The following SCFD2 variants were observed in gnomAD, a reference collection of about 807,000 sequenced individuals.
SCFD2 encodes the protein sec1 family domain-containing protein 2.
In SCFD2, 54 loss-of-function variants were observed where a neutral mutation model predicts 58.9. The ratio of observed to expected loss-of-function variants is 0.92; its 90% CI spans 0.74 to 1.15. The LOEUF (loss-of-function observed/expected upper bound fraction) is 1.15. Ranked by LOEUF, SCFD2 falls within the 50% of genes most tolerant of loss-of-function variation. The pLI is 0.00. For missense variants in SCFD2, 805 were observed against 836.6 expected (o/e 0.96, Z 0.47); for synonymous variants, 321 against 335.9 (o/e 0.96, Z 0.49).
intron 7 of SCFD2, among the ~76,000 whole-genome samples, chr4:52,899,217 T>C (rs923454842): frequency 2.0e-4 from 31 of 152,188 alleles, no homozygotes; most frequent in African/African-American, 7.2e-4. Flanking sequence ...TATTTTGCTC[T>C]TTAGTTGATG....
chr4:53,319,402 T>A (rs563349907), intron 2 of SCFD2, among the ~76,000 whole-genome samples: 1 of 152,344 alleles, frequency 6.6e-6, no homozygotes, highest in African/African-American at 2.4e-5. Context: ...TCATTCTACA[T>A]ATATATCATT....
At chr4:53,020,957 C>T (rs1387532584) in intron 5 of SCFD2, among the ~76,000 whole-genome samples, 1 of 152,272 alleles carries the variant, frequency 6.6e-6, no homozygotes, top group Non-Finnish European at 1.5e-5. Context: ...TTCCTTCTTC[C>T]AGAATTGCTC....
chr4:53,246,778 G>T (rs1477111904), intron 4 of SCFD2, among the ~76,000 whole-genome samples: 1 of 152,010 alleles, frequency 6.6e-6, no homozygotes. Context: ...CATTCTGGAC[G>T]TAGGAACTGG....
At chr4:53,098,448 G>T (rs764834904) in intron 5 of SCFD2, among the ~76,000 whole-genome samples, 16 of 152,270 alleles carry the variant, frequency 1.1e-4, no homozygotes, top group East Asian at 9.7e-4. Context: ...GTCTTGGAGG[G>T]TGTATGTGTC....
intron 5 of SCFD2, among the ~76,000 whole-genome samples, chr4:53,071,032 T>G (rs541732456): frequency 6.6e-6 from 1 of 152,224 alleles, no homozygotes; most frequent in East Asian, 1.9e-4. Flanking sequence ...CATATTCAAC[T>G]TCTAAAGAGT....
intron 5 of SCFD2, among the ~76,000 whole-genome samples, chr4:53,120,391 T>G (rs1725446529): frequency 6.6e-6 from 1 of 152,302 alleles, no homozygotes; most frequent in African/African-American, 2.4e-5. Flanking sequence ...ATGAGAAACT[T>G]AAGCCACAGC....
chr4:53,206,777 A>T (rs1385241167), intron 4 of SCFD2, among the ~76,000 whole-genome samples: 1 of 152,126 alleles, frequency 6.6e-6, no homozygotes, highest in East Asian at 1.9e-4. Context: ...AGTCATTTTT[A>T]CCATCCTACA....
At chr4:53,099,050 A>G (rs1021970852) in intron 5 of SCFD2, among the ~76,000 whole-genome samples, 1 of 152,200 alleles carries the variant, frequency 6.6e-6, no homozygotes, top group Non-Finnish European at 1.5e-5. Flanking sequence ...GTTCACTGGT[A>G]TATCTCAAAC....
chr4:53,148,371 T>A (rs2148915594), intron 4 of SCFD2, among the ~76,000 whole-genome samples: 1 of 152,322 alleles, frequency 6.6e-6, no homozygotes, highest in Admixed American at 6.5e-5. Context: ...TTTCTAAACT[T>A]ACATTCTAAA....
chr4:52,978,737 T>TA (rs1721307332), intron 5 of SCFD2, among the ~76,000 whole-genome samples: 1 of 151,436 alleles, frequency 6.6e-6, no homozygotes. Flanking sequence ...TGATCTTAGG[T>TA]AAAATGTATG....
intron 4 of SCFD2, among the ~76,000 whole-genome samples, chr4:53,238,265 C>T (rs1237466591): frequency 5.2e-5 from 6 of 115,898 alleles, no homozygotes; most frequent in Admixed American, 2.4e-4. Flanking sequence ...CAGGCAGAGG[C>T]GCCCCTCACC....
At chr4:53,046,228 T>G (rs1210308451) in intron 5 of SCFD2, among the ~76,000 whole-genome samples, 1 of 152,220 alleles carries the variant, frequency 6.6e-6, no homozygotes, top group Non-Finnish European at 1.5e-5. Context: ...AATTTTATTT[T>G]TATTTTTTTA....
chr4:53,261,198 TTTTG>T (rs1190123003), intron 4 of SCFD2, among the ~76,000 whole-genome samples: 1 of 152,116 alleles, frequency 6.6e-6, no homozygotes. Context: ...TCTTTTGTAT[TTTTG>T]TTTGTTTGCT....
chr4:52,890,288 GA>G (rs973787826), intron 7 of SCFD2, among the ~76,000 whole-genome samples: 1 of 152,130 alleles, frequency 6.6e-6, no homozygotes, highest in African/African-American at 2.4e-5. Context: ...GATGAAAAGG[GA>G]AAAAAAGAAA....
intron 5 of SCFD2, among the ~76,000 whole-genome samples, chr4:53,006,241 C>G (rs1418796076): frequency 6.6e-6 from 1 of 152,204 alleles, no homozygotes; most frequent in Non-Finnish European, 1.5e-5. Flanking sequence ...GGACTCATGT[C>G]CATCACCAGC....
chr4:53,276,772 G>A (rs966100252), intron 3 of SCFD2, among the ~76,000 whole-genome samples: 1 of 152,122 alleles, frequency 6.6e-6, no homozygotes, highest in Non-Finnish European at 1.5e-5. Flanking sequence ...TTTCCAAAGT[G>A]GGCTGTACCA....
At chr4:53,107,325 G>A (rs1446485922) in intron 5 of SCFD2, among the ~76,000 whole-genome samples, 2 of 152,118 alleles carry the variant, frequency 1.3e-5, no homozygotes, top group African/African-American at 4.8e-5. Flanking sequence ...CCAGTAATGG[G>A]CAAAATAACC....
At chr4:53,242,315 G>A (rs1729919799) in intron 4 of SCFD2, among the ~76,000 whole-genome samples, 1 of 152,206 alleles carries the variant, frequency 6.6e-6, no homozygotes, top group Admixed American at 6.5e-5. Context: ...AACAAAGCCA[G>A]TGCCAATACC....
chr4:53,145,705 T>C (rs1726309068), intron 4 of SCFD2, 123 bp from the exon 5 acceptor site: 10 of 879,742 alleles, frequency 1.1e-5, no homozygotes, highest in Non-Finnish European at 1.7e-5. Flanking sequence ...TGCATCACTT[T>C]TTATTTGTGT....
Sources: gnomAD v4.1 joint callset for allele counts (sites outside exome capture counted in the v4.1 genomes callset) on GRCh38, gnomAD v4.1.1 for gene constraint, MANE v1.5 for transcripts, NCBI Gene and HGNC (gene_info 2026-07-23, HGNC 2026-07-21) for gene names.